ABLIM2: variants seen among roughly 807,000 people sequenced by gnomAD.
ABLIM2 encodes actin-binding LIM protein 2.
A neutral mutation model predicts 97.7 loss-of-function variants in ABLIM2; 53 were observed. The ratio of observed to expected loss-of-function variants is 0.54; its 90% CI spans 0.44 to 0.68. The LOEUF (loss-of-function observed/expected upper bound fraction) is 0.68. Ranked by LOEUF, ABLIM2 falls within the 30% of genes least tolerant of loss-of-function variation. The pLI is 0.00. For missense variants in ABLIM2, 835 were observed against 867.2 expected (o/e 0.96, Z 0.47); for synonymous variants, 361 against 345.8 (o/e 1.04, Z -0.49).
chr4:8,013,688 G>A (rs1479876440), intron 14 of ABLIM2, among the ~76,000 whole-genome samples: 1 of 152,220 alleles, frequency 6.6e-6, no homozygotes, highest in African/African-American at 2.4e-5. Flanking sequence ...TGTCCTCCAC[G>A]TCACACGTGT....
chr4:8,031,671 G>C (rs1054205057), intron 10 of ABLIM2, among the ~76,000 whole-genome samples: 4 of 152,110 alleles, frequency 2.6e-5, no homozygotes, highest in African/African-American at 9.7e-5. Flanking sequence ...CGGTAACCTG[G>C]GGAAAATCAC....
intron 1 of ABLIM2, 123 bp downstream of exon 1, chr4:8,158,556 GT>G (rs2152969757): frequency 8.0e-7 from 1 of 1,254,108 alleles, no homozygotes; most frequent in South Asian, 1.4e-5. Context: ...TGGAGCAAAA[GT>G]TGGGTGGAGC....
chr4:8,074,391 A>G (rs911040282), intron 6 of ABLIM2, among the ~76,000 whole-genome samples: 1 of 152,182 alleles, frequency 6.6e-6, no homozygotes, highest in African/African-American at 2.4e-5. Context: ...GGTCGAGGCT[A>G]CAGGGAGCTA....
chr4:8,077,129 G>T (rs745565154), intron 6 of ABLIM2, among the ~76,000 whole-genome samples: 6 of 152,112 alleles, frequency 3.9e-5, no homozygotes, highest in Non-Finnish European at 5.9e-5. Flanking sequence ...ACAAAACGCA[G>T]AAAAGGGCAT....
chr4:8,037,827 C>T (rs1352576471), intron 9 of ABLIM2, among the ~76,000 whole-genome samples: 1 of 152,278 alleles, frequency 6.6e-6, no homozygotes, highest in Non-Finnish European at 1.5e-5. Context: ...CACAGTGGCG[C>T]TCCTGCCCTT....
chr4:7,968,318 T>TC (rs796252884), intron 20 of ABLIM2, among the ~76,000 whole-genome samples: 29 of 152,348 alleles, frequency 1.9e-4, no homozygotes, highest in African/African-American at 7.0e-4. Context: ...GCCCCAGCCA[T>TC]CCACTCTTGG....
intron 9 of ABLIM2, among the ~76,000 whole-genome samples, chr4:8,037,283 T>C (rs1156358497): frequency 6.6e-6 from 1 of 151,392 alleles, no homozygotes; most frequent in African/African-American, 2.4e-5. Flanking sequence ...TGCACACACA[T>C]ACGCACACAT....
chr4:8,151,317 G>A (rs1369958502), intron 1 of ABLIM2, among the ~76,000 whole-genome samples: 2 of 152,166 alleles, frequency 1.3e-5, no homozygotes, highest in Non-Finnish European at 2.9e-5. Context: ...TGCTGATGGC[G>A]AGAAGCCCCA....
intron 3 of ABLIM2, among the ~76,000 whole-genome samples, chr4:8,092,510 G>A (rs772579772): frequency 3.3e-5 from 5 of 152,078 alleles, no homozygotes; most frequent in Non-Finnish European, 5.9e-5. Context: ...ATTTACAGAG[G>A]GTTAGTCTTA....
At chr4:8,090,685 T>C (rs1826730689) in intron 3 of ABLIM2, among the ~76,000 whole-genome samples, 1 of 152,168 alleles carries the variant, frequency 6.6e-6, no homozygotes, top group South Asian at 2.1e-4. Flanking sequence ...ATTGTCACTG[T>C]CACCGTGCAT....
At position 8,112,154 on chromosome 4, in the gene ABLIM2, C is replaced by T. The variant is rs748067805; in HGVS notation, c.11-5517G>A. Among the ~76,000 whole-genome samples, 17 of 152,162 alleles carry T rather than the reference C, an allele frequency of 1.1e-4. No homozygotes were observed. The highest frequency in any genetic ancestry group is 2.4e-4 in the Non-Finnish European group (16 of 68,022). On this transcript the variant is annotated intron_variant, in intron 1 of 20. Transcript: ENST00000447017. The surrounding 1 kb of genome is among the most constrained non-coding windows in gnomAD (Gnocchi z 4.2). ...CCTTGGGAAGCCCCACCGGGAATAA[C>T]AAAAATGATTGCTGGTGTCGTTAAC... is the stretch of plus-strand genomic sequence containing the variant.
rs1815359430 is a variant in ABLIM2, at chr4:8,075,388, T to C, written c.675+2240A>G. Reference sequence around the variant, plus strand: ...AGATGGCTGCAAATATCTATGGTTATTGATAAAGAAAACCATTGAATGGGC... The same window carrying C: ...AGATGGCTGCAAATATCTATGGTTACTGATAAAGAAAACCATTGAATGGGC... On this transcript the variant is annotated intron_variant, in intron 6 of 20. Transcript: ENST00000447017. The surrounding 1 kb of genome is among the most constrained non-coding windows in gnomAD (Gnocchi z 4.4). Among the ~76,000 whole-genome samples, 1 of 152,136 alleles carries C rather than the reference T, an allele frequency of 6.6e-6. No homozygotes were observed. The highest frequency in any genetic ancestry group is 1.5e-5 in the Non-Finnish European group (1 of 68,038).
intron 4 of ABLIM2, 36 bp from the exon 5 acceptor site, chr4:8,080,838 C>CATTGTGAG: frequency 1.3e-6 from 2 of 1,576,312 alleles, no homozygotes; most frequent in Non-Finnish European, 1.7e-6. Flanking sequence ...ACACCCCCAC[C>CATTGTGAG]ATTGTGAGAG....
At position 7,983,439 on chromosome 4, in the gene ABLIM2, G is replaced by A. The variant is rs145815093; in HGVS notation, c.1744-95C>T. On this transcript the variant is annotated intron_variant, in intron 19 of 20. Transcript: ENST00000447017. The stretch of plus-strand genomic sequence containing the variant: ...AAGGTCACCGAGAATACATACTTGC[G>A]TCTGCACCTGACACACACATTTCAT... The A allele has an allele frequency of 1.4e-4, 224 of 1,577,534 alleles. No homozygotes were observed. In the African/African-American group the frequency reaches 2.6e-3, roughly 18 times the overall value.
chr4:8,079,157 C>T (rs985490020), intron 5 of ABLIM2, among the ~76,000 whole-genome samples: 2 of 152,258 alleles, frequency 1.3e-5, no homozygotes, highest in Non-Finnish European at 2.9e-5. Flanking sequence ...AGTGGCAGCC[C>T]TTCCTTCCAT....
In ABLIM2 at chr4:8,150,646, G is replaced by A. The variant is rs958403674; in HGVS notation, c.10+8034C>T. 2.0e-5 allele frequency among the ~76,000 whole-genome samples: 3 copies of A among 152,214 alleles called. No individual in the cohort carries two copies. The highest frequency in any genetic ancestry group is 2.9e-5 in the Non-Finnish European group (2 of 68,026). The stretch of plus-strand genomic sequence containing the variant: ...GAGCCACTGCTGCTGCCTGGGATGG[G>A]GGCTGCTCAGTAGAATGCAGCTAAA... On this transcript the variant is annotated intron_variant, in intron 1 of 20. Transcript: ENST00000447017. This position sits in a 1 kb window ranked among gnomAD's most constrained non-coding sequence, Gnocchi z 6.3.
intron 3 of ABLIM2, among the ~76,000 whole-genome samples, chr4:8,089,257 G>A (rs1162759496): frequency 1.3e-5 from 2 of 152,154 alleles, no homozygotes; most frequent in Non-Finnish European, 2.9e-5. Context: ...GCTAAGGCCA[G>A]GCCACCTGCA....
intron 1 of ABLIM2, among the ~76,000 whole-genome samples, chr4:8,108,218 G>T (rs1462197159): frequency 6.6e-6 from 1 of 152,248 alleles, no homozygotes; most frequent in African/African-American, 2.4e-5. Flanking sequence ...CCTCCCCTCT[G>T]CATTCTGCCA....
chr4:8,097,442 G>A (rs1392266937), intron 2 of ABLIM2, among the ~76,000 whole-genome samples, 160 bp from the exon 3 acceptor site: 1 of 152,176 alleles, frequency 6.6e-6, no homozygotes, highest in East Asian at 1.9e-4. Flanking sequence ...TCGGCGGGCC[G>A]GGCTCCTGGG....
Sources: gnomAD v4.1 joint callset for allele counts (sites outside exome capture counted in the v4.1 genomes callset) on GRCh38, gnomAD v4.1.1 for gene constraint, Gnocchi (gnomAD v3.1) non-coding constraint, MANE v1.5 for transcripts, NCBI Gene and HGNC (gene_info 2026-07-23, HGNC 2026-07-21) for gene names.